ARHGAP24: variants seen among roughly 807,000 people sequenced by gnomAD.
ARHGAP24 encodes rho GTPase-activating protein 24.
Under a neutral mutation model 76.4 loss-of-function variants are expected in ARHGAP24, and 50 were observed. The observed-to-expected ratio is 0.65, with a 90% CI of 0.52 to 0.83. ARHGAP24 has a LOEUF of 0.83. ARHGAP24 is among the 40% of genes least tolerant of loss of function. The pLI, the probability that ARHGAP24 is intolerant of heterozygous loss-of-function variation, is 0.00. For missense variants in ARHGAP24, 930 were observed against 914.2 expected, an observed-to-expected ratio of 1.02 and a Z score of -0.22; for synonymous variants, 345 against 323.3, an observed-to-expected ratio of 1.07 and a Z score of -0.72.
In ARHGAP24 at chr4:85,995,753, A is replaced by C. The variant is rs1740626250; in HGVS notation, c.2003+96A>C. On this transcript the variant is annotated intron_variant, in intron 9 of 9. Coordinates refer to ENST00000395184, the MANE Select transcript of ARHGAP24 (RefSeq NM_001025616.3). ...CTGAGGGTGACATATGCTGGCTCCA[A>C]AGTCAAAGAAACACAAGTTTGCTCC... 5 of 1,216,086 alleles carry C rather than the reference A, an allele frequency of 4.1e-6. No individual in the cohort carries two copies. In the South Asian group the frequency reaches 5.1e-5, roughly 12 times the overall value. The allele number at this position is 1,216,086 out of a possible 1,614,324, so 75.3% of individuals were successfully genotyped here.
At chr4:85,833,309 A>G (rs1014955334) in intron 3 of ARHGAP24, among the ~76,000 whole-genome samples, 1 of 152,220 alleles carries the variant, frequency 6.6e-6, no homozygotes, top group African/African-American at 2.4e-5. Flanking sequence ...AAAGCTATCT[A>G]TCAAGAGGTA....
In ARHGAP24 at chr4:85,509,251, T is replaced by C. The variant is rs961388098; in HGVS notation, c.-21+33692T>C. On this transcript the variant is annotated intron_variant, in intron 1 of 9. Coordinates refer to ENST00000395184, the MANE Select transcript of ARHGAP24 (RefSeq NM_001025616.3). ...AGGAGATATACCTAATGCTAAATGA[T>C]GAGTTAATGGGTGCAGCACACCAGC... Among the ~76,000 whole-genome samples, 4 of 148,774 alleles carry C rather than the reference T, an allele frequency of 2.7e-5. 1 individual carries two copies. Among genetic ancestry groups the C allele is most frequent in the Admixed American group, 1.3e-4 (2 of 14,960 alleles).
At chr4:85,515,701 G>A (rs754569734) in intron 1 of ARHGAP24, among the ~76,000 whole-genome samples, 11 of 151,904 alleles carry the variant, frequency 7.2e-5, no homozygotes, top group Non-Finnish European at 1.2e-4. Context: ...ATGGATGGGC[G>A]TTTATGCTAT....
intron 2 of ARHGAP24, among the ~76,000 whole-genome samples, chr4:85,627,735 G>A (rs1007154545): frequency 7.2e-5 from 11 of 152,150 alleles, no homozygotes; most frequent in Non-Finnish European, 1.2e-4. Flanking sequence ...CAGCTTCCCC[G>A]GCTGCTCTGT....
chr4:85,994,441 T>C lies in ARHGAP24; in HGVS notation c.929-142T>C, dbSNP rs75349882. ...CTCAAGATGTTTTAGCTTCTATTGC[T>C]ATTATCATAGTTAAGAATATGGTTT... On this transcript the variant is annotated intron_variant, in intron 8 of 9. Coordinates refer to ENST00000395184, the MANE Select transcript of ARHGAP24 (RefSeq NM_001025616.3). 11,256 of 855,484 alleles carry C rather than the reference T, an allele frequency of 0.013. 792 individuals carry two copies. In the African/African-American group the frequency reaches 0.16, roughly 12 times the overall value. 53.0% of individuals were successfully genotyped at this position (855,484 alleles called of 1,614,324 possible). A position where few individuals can be genotyped will look rare whatever the true frequency, so the allele number is the denominator to read the frequency against.
intron 2 of ARHGAP24, among the ~76,000 whole-genome samples, chr4:85,649,515 TG>T (rs1188568624): frequency 6.6e-6 from 1 of 152,120 alleles, no homozygotes; most frequent in African/African-American, 2.4e-5. Flanking sequence ...TATTCTTCTT[TG>T]CATTTAATGT....
At chr4:85,622,371 T>A (rs1279520720) in intron 2 of ARHGAP24, among the ~76,000 whole-genome samples, 3 of 151,276 alleles carry the variant, frequency 2.0e-5, no homozygotes, top group Non-Finnish European at 4.4e-5. Flanking sequence ...CTTGCGATAG[T>A]TTGCTGAGAA....
intron 2 of ARHGAP24, among the ~76,000 whole-genome samples, chr4:85,669,388 A>G (rs896752929): frequency 2.0e-5 from 3 of 151,954 alleles, no homozygotes; most frequent in African/African-American, 7.3e-5. Flanking sequence ...GCCCATTCTA[A>G]TATTTCTGGT....
intron 2 of ARHGAP24, among the ~76,000 whole-genome samples, chr4:85,600,565 A>G (rs1170804974): frequency 6.6e-6 from 1 of 152,214 alleles, no homozygotes; most frequent in Non-Finnish European, 1.5e-5. Context: ...TAAAGTGTGT[A>G]TTAATGTGCC....
chr4:85,663,731 G>A (rs1323770109), intron 2 of ARHGAP24, among the ~76,000 whole-genome samples: 1 of 151,808 alleles, frequency 6.6e-6, no homozygotes, highest in African/African-American at 2.4e-5. Flanking sequence ...AGCATGAAGG[G>A]TTGTTGAATT....
At chr4:85,607,923 A>C (rs1020608469) in intron 2 of ARHGAP24, among the ~76,000 whole-genome samples, 2 of 151,626 alleles carry the variant, frequency 1.3e-5, no homozygotes, top group African/African-American at 4.8e-5. Flanking sequence ...GACCAACGAA[A>C]ATCTCTGGGC....
At chr4:85,587,092 A>AT (rs1303560945) in intron 2 of ARHGAP24, among the ~76,000 whole-genome samples, 1 of 152,106 alleles carries the variant, frequency 6.6e-6, no homozygotes, top group Non-Finnish European at 1.5e-5. Context: ...CTCTATTGGA[A>AT]TTTTAAAAAG....
intron 2 of ARHGAP24, among the ~76,000 whole-genome samples, chr4:85,690,587 A>G (rs1723595280): frequency 6.6e-6 from 1 of 152,064 alleles, no homozygotes; most frequent in East Asian, 1.9e-4. Flanking sequence ...TAGATTTTCT[A>G]ATGTGTGTGC....
intron 3 of ARHGAP24, among the ~76,000 whole-genome samples, chr4:85,799,125 A>G (rs1298921855): frequency 6.6e-6 from 1 of 152,186 alleles, no homozygotes; most frequent in Non-Finnish European, 1.5e-5. Flanking sequence ...TCCTAGCTGT[A>G]TACACTGAGA....
chr4:85,997,537 A>G (rs11097088), intron 9 of ARHGAP24, among the ~76,000 whole-genome samples: 45,802 of 152,124 alleles, frequency 0.3, 7,709 homozygotes, highest in African/African-American at 0.46. Context: ...AGGTAGGTAG[A>G]CAGATAGATA....
intron 9 of ARHGAP24, chr4:86,000,201 T>A: frequency 3.0e-6 from 1 of 338,570 alleles, no homozygotes; most frequent in Non-Finnish European, 5.6e-6. Context: ...CTGGCTTATC[T>A]GTGCTGGCAT....
chr4:85,969,569 A>G (rs1288525652), intron 5 of ARHGAP24, among the ~76,000 whole-genome samples: 2 of 152,116 alleles, frequency 1.3e-5, no homozygotes, highest in Non-Finnish European at 2.9e-5. Context: ...ATGATGGTAG[A>G]TTGGGTTAGA....
At chr4:85,910,292 C>T (rs1022934434) in intron 3 of ARHGAP24, among the ~76,000 whole-genome samples, 1 of 152,204 alleles carries the variant, frequency 6.6e-6, no homozygotes, top group Non-Finnish European at 1.5e-5. Flanking sequence ...GTTCTTTTCT[C>T]CTCTTTGCCT....
At chr4:85,685,348 T>C (rs1723376733) in intron 2 of ARHGAP24, among the ~76,000 whole-genome samples, 1 of 152,028 alleles carries the variant, frequency 6.6e-6, no homozygotes, top group Admixed American at 6.6e-5. Context: ...CTCCACAAAG[T>C]GGGGCTGTGC....
Sources: allele counts gnomAD v4.1 joint callset (sites outside exome capture counted in the v4.1 genomes callset), GRCh38; gene constraint gnomAD v4.1.1; transcripts MANE v1.5; gene names NCBI Gene and HGNC (gene_info 2026-07-23, HGNC 2026-07-21).